The following ARHGAP20 variants were observed in gnomAD, a reference collection of about 807,000 sequenced individuals.
ARHGAP20 encodes the protein rho GTPase-activating protein 20.
Under a neutral mutation model 73.7 loss-of-function variants are expected in ARHGAP20, and 34 were observed. The observed-to-expected ratio is 0.46, with a 90% CI of 0.35 to 0.61. The LOEUF is 0.61. ARHGAP20 is among the 20% of genes least tolerant of loss of function. The probability of loss-of-function intolerance (pLI) is 0.00; values close to 1 mark genes in which losing one functional copy is unlikely to be tolerated. For missense variants in ARHGAP20, 1,314 were observed against 1,420.9 expected, an observed-to-expected ratio of 0.92 and a Z score of 1.21; for synonymous variants, 523 against 518.2, an observed-to-expected ratio of 1.01 and a Z score of -0.13.
At chr11:110,686,082 AAGTT>A (rs1441885343) in intron 2 of ARHGAP20, among the ~76,000 whole-genome samples, 6 of 152,138 alleles carry the variant, frequency 3.9e-5, no homozygotes, top group Admixed American at 6.5e-5. Flanking sequence ...ACTTTGGAAA[AAGTT>A]AGAAGTACAT....
At position 110,579,548 on chromosome 11, in the gene ARHGAP20, A is replaced by C; in HGVS notation, c.3398T>G (p.Leu1133Arg). Residue 1133 changes from leucine to arginine, a missense_variant, in exon 15 of 15, where the codon CTT becomes CGT. This residue lies in a region of ARHGAP20 where 641 missense variants were observed against 636.9 expected (regional missense o/e 1.01). Transcript: ENST00000683387. Reference sequence around the variant, plus strand: ...CTCATGTGACTTCATGCACAGCTTAAGTCTGCTCTCCACCAGGCTGAATGG... The same window carrying C: ...CTCATGTGACTTCATGCACAGCTTACGTCTGCTCTCCACCAGGCTGAATGG... Reference protein sequence around the residue: ...SSPFSLVESRLKLCMKSHEEI... With the variant: ...SSPFSLVESRRKLCMKSHEEI... The C allele has an allele frequency of 1.9e-6, 3 of 1,614,028 alleles. No individual in the cohort carries two copies. Among genetic ancestry groups the C allele is most frequent in the Non-Finnish European group, 2.5e-6 (3 of 1,179,884 alleles).
chr11:110,615,580 T>C lies in ARHGAP20; in HGVS notation c.518A>G (p.Lys173Arg). 1 of 1,612,338 alleles carries C rather than the reference T, an allele frequency of 6.2e-7. No homozygotes were observed. Among genetic ancestry groups the C allele is most frequent in the South Asian group, 1.1e-5 (1 of 90,562 alleles). ...FVATFSSPEQ[K>R]DKWLSLLQRY... ...CTGAAGGAGAGAGAGCCATTTGTCC[T>C]TTTGTTCTGGAGAACTGCAATCAAA... Residue 173 changes from lysine (K) to arginine (R), a missense_variant, in exon 5 of 15, where the codon AAG becomes AGG. Around this residue, in one of 3 missense-constraint regions of ARHGAP20, gnomAD observed 443 missense variants for 466.4 expected, o/e 0.95. Transcript: ENST00000683387.
At chr11:110,712,853 A>C (rs1306142924), upstream of ARHGAP20, 2 of 152,412 alleles carry the variant, frequency 1.3e-5, no homozygotes, top group Non-Finnish European at 2.9e-5. Flanking sequence ...GAGGAGTTGC[A>C]GTGATTCCTG....
rs567327533 is a variant in ARHGAP20 at position 110,652,885 on chromosome 11, C to A, written c.189-22093G>T. Among the ~76,000 whole-genome samples, 4 of 152,034 alleles carry A rather than the reference C, an allele frequency of 2.6e-5. No individual in the cohort carries two copies. The South Asian group carries it at 6.2e-4, about 24-fold the overall frequency. On this transcript the variant is annotated intron_variant, in intron 2 of 14. Transcript: ENST00000683387. ...ACAAAAACAGATACATAGATCAATG[C>A]GACAGAACAGAAAATTCAGAAATAA...
chr11:110,613,140 G>T (rs775100655), intron 6 of ARHGAP20, among the ~76,000 whole-genome samples: 2 of 152,122 alleles, frequency 1.3e-5, no homozygotes, highest in Non-Finnish European at 2.9e-5. Flanking sequence ...CATAATTATA[G>T]AAAGTATATT....
At chr11:110,694,060 A>AATT (rs1368635757) in intron 1 of ARHGAP20, among the ~76,000 whole-genome samples, 2 of 151,918 alleles carry the variant, frequency 1.3e-5, no homozygotes, top group African/African-American at 4.8e-5. Flanking sequence ...TCAATTAATT[A>AATT]ATTGCATTAA....
In ARHGAP20 at chr11:110,615,117, A is replaced by C. The variant is rs1346091126; in HGVS notation, c.545+436T>G. 3.3e-5 allele frequency among the ~76,000 whole-genome samples: 5 copies of C among 152,324 alleles called. No homozygotes were observed. The South Asian group carries it at 8.3e-4, about 25-fold the overall frequency. The stretch of plus-strand genomic sequence containing the variant: ...GGGAGGGAAGGACTGTAAGTCTAAC[A>C]GATGAGCCTAAGTCAATCATTTTAG... On this transcript the variant is annotated intron_variant, in intron 5 of 14. Transcript: ENST00000683387.
chr11:110,591,887 A>C, intron 10 of ARHGAP20, 90 bp downstream of exon 10: 1 of 1,370,818 alleles, frequency 7.3e-7, no homozygotes, highest in South Asian at 1.4e-5. Flanking sequence ...GGTGTCTATA[A>C]TTTTTCCATT....
chr11:110,691,714 C>T (rs920288831), intron 1 of ARHGAP20, among the ~76,000 whole-genome samples: 1 of 152,164 alleles, frequency 6.6e-6, no homozygotes, highest in African/African-American at 2.4e-5. Flanking sequence ...ACAAATTCTC[C>T]ATGCTCCTAG....
intron 13 of ARHGAP20, 99 bp from the exon 14 acceptor site, chr11:110,582,534 A>C: frequency 1.4e-6 from 1 of 710,708 alleles, no homozygotes. Context: ...AACCACATCT[A>C]CCCAGAGAAA....
chr11:110,627,074 A>G (rs1312042808), intron 3 of ARHGAP20, among the ~76,000 whole-genome samples: 1 of 150,662 alleles, frequency 6.6e-6, no homozygotes, highest in Non-Finnish European at 1.5e-5. Flanking sequence ...AACAGACTGA[A>G]CAAAACCCCC....
chr11:110,647,681 A>T (rs1949226796), intron 2 of ARHGAP20, among the ~76,000 whole-genome samples: 1 of 152,186 alleles, frequency 6.6e-6, no homozygotes, highest in Non-Finnish European at 1.5e-5. Context: ...AGAAATGGAA[A>T]CACACAAAAG....
At chr11:110,611,269 A>G (rs1948359786) in intron 7 of ARHGAP20, 40 bp downstream of exon 7, 1 of 1,292,444 alleles carries the variant, frequency 7.7e-7, no homozygotes, top group African/African-American at 1.5e-5. Context: ...AAATAATCAA[A>G]GTTTATTTTT....
At chr11:110,595,003 A>G (rs1448122455) in intron 9 of ARHGAP20, among the ~76,000 whole-genome samples, 3 of 151,550 alleles carry the variant, frequency 2.0e-5, no homozygotes, top group Non-Finnish European at 2.9e-5. Context: ...GCAAATCAAT[A>G]AATGTAATCC....
Position 110,712,282 on chromosome 11 carries a change from G to T in ARHGAP20, c.-51C>A. ...GCCCAGGAGGAGGCTACACGATCAT[G>T]TCCGCGGGCTGCCGGCCGGAGGGGC... On this transcript the variant is annotated 5_prime_UTR_variant, in exon 1 of 15. Transcript: ENST00000683387. 7.9e-7 allele frequency: 1 copy of T among 1,259,574 alleles called. No homozygotes were observed. The highest frequency in any genetic ancestry group is 1.0e-6 in the Non-Finnish European group (1 of 991,340). 78.0% of individuals were successfully genotyped at this position (1,259,574 alleles called of 1,614,324 possible).
At chr11:110,611,456 G>A in intron 6 of ARHGAP20, 70 bp from the exon 7 acceptor site, 1 of 769,410 alleles carries the variant, frequency 1.3e-6, no homozygotes, top group Non-Finnish European at 2.0e-6. Flanking sequence ...AATAATCATT[G>A]TCAAATGATT....
Position 110,608,984 on chromosome 11 carries a change from C to T in ARHGAP20, c.775G>A (p.Gly259Arg). The T allele has an allele frequency of 6.2e-7, 1 of 1,612,428 alleles. No homozygotes were observed. Among genetic ancestry groups the T allele is most frequent in the African/African-American group, 1.3e-5 (1 of 74,914 alleles). Residue 259 changes from glycine to arginine, a missense_variant and splice_region_variant, in exon 8 of 15, where the codon GGG becomes AGG. Physicochemically the swap from Gly to Arg is moderately radical, Grantham distance 125. Around this residue, in one of 3 missense-constraint regions of ARHGAP20, gnomAD observed 443 missense variants for 466.4 expected, o/e 0.95. Transcript: ENST00000683387. ...GKEEAPYPLI[G>R]HEYPYGIKMS... is the part of the protein sequence containing the mutation. ...ATCTTAGACTTTTGCAAAAACTTAC[C>T]AATGAGTGGGTATGGAGCCTCTTCT...
chr11:110,625,130 C>A (rs932666203), intron 3 of ARHGAP20, among the ~76,000 whole-genome samples: 13 of 149,940 alleles, frequency 8.7e-5, no homozygotes, highest in Non-Finnish European at 1.6e-4. Context: ...CTCCGCTTCC[C>A]GGGTTCACGC....
chr11:110,602,304 A>G (rs1948131260), intron 9 of ARHGAP20, among the ~76,000 whole-genome samples: 4 of 152,198 alleles, frequency 2.6e-5, no homozygotes, highest in Admixed American at 2.6e-4. Flanking sequence ...GGCAAAGTGA[A>G]ATGCAGATAA....
Sources: allele counts gnomAD v4.1 joint callset (sites outside exome capture counted in the v4.1 genomes callset), GRCh38; gene constraint gnomAD v4.1.1; regional missense constraint gnomAD v4.1.1; transcripts MANE v1.5; gene names NCBI Gene and HGNC (gene_info 2026-07-23, HGNC 2026-07-21).